APBB2: variants seen among roughly 807,000 people sequenced by gnomAD.
APBB2 encodes the protein Fe65-like 1.
In APBB2, 38 loss-of-function variants were observed where a neutral mutation model predicts 82.5. The observed-to-expected ratio is 0.46, with a 90% CI of 0.36 to 0.60. The LOEUF is 0.60. APBB2 is among the 20% of genes least tolerant of loss of function. The pLI is 0.00. For synonymous variants in APBB2, 341 were observed against 368.2 expected, an observed-to-expected ratio of 0.93 and a Z score of 0.85; for missense variants, 772 against 972.3, an observed-to-expected ratio of 0.79 and a Z score of 2.74.
At chr4:41,038,119 C>G (rs987272013) in intron 4 of APBB2, among the ~76,000 whole-genome samples, 1 of 151,762 alleles carries the variant, frequency 6.6e-6, no homozygotes, top group African/African-American at 2.4e-5. Flanking sequence ...TGCTGATATG[C>G]CTTATGATAA....
chr4:41,069,647 C>T (rs1019881328), intron 3 of APBB2, among the ~76,000 whole-genome samples: 2 of 152,140 alleles, frequency 1.3e-5, no homozygotes, highest in Admixed American at 6.5e-5. Context: ...TCTGTATCCT[C>T]GGGGCATAGG....
intron 12 of APBB2, among the ~76,000 whole-genome samples, chr4:40,877,488 A>C (rs956744976): frequency 6.6e-6 from 1 of 152,112 alleles, no homozygotes; most frequent in Non-Finnish European, 1.5e-5. Context: ...TGGGGTGCTG[A>C]GGGCCAGGGT....
chr4:41,088,365 G>C (rs1740554242), intron 3 of APBB2, among the ~76,000 whole-genome samples: 1 of 152,188 alleles, frequency 6.6e-6, no homozygotes, highest in Non-Finnish European at 1.5e-5. Context: ...ACTCACCCCT[G>C]CCCTAGCAAA....
At chr4:41,083,096 C>T (rs1212232676) in intron 3 of APBB2, among the ~76,000 whole-genome samples, 3 of 152,012 alleles carry the variant, frequency 2.0e-5, no homozygotes, top group African/African-American at 7.2e-5. Context: ...ACCCGGGAGG[C>T]GGAGGTTGCA....
intron 4 of APBB2, among the ~76,000 whole-genome samples, chr4:41,057,459 AAAAT>A (rs1728227901): frequency 6.6e-6 from 1 of 152,128 alleles, no homozygotes; most frequent in Admixed American, 6.5e-5. Context: ...CTCAAAAACA[AAAAT>A]AAATACAATG....
intron 10 of APBB2, among the ~76,000 whole-genome samples, chr4:40,923,943 T>C (rs1043651382): frequency 1.3e-5 from 2 of 152,098 alleles, no homozygotes; most frequent in African/African-American, 4.8e-5. Context: ...GGAAAACAGT[T>C]TTAGAAACAC....
At chr4:40,823,497 A>G in intron 16 of APBB2, 147 bp downstream of exon 16, 1 of 619,670 alleles carries the variant, frequency 1.6e-6, no homozygotes, top group South Asian at 1.9e-5. Context: ...GACCCAGACA[A>G]AGGGCCAAAT....
chr4:41,060,204 T>C (rs575977426), intron 4 of APBB2, among the ~76,000 whole-genome samples: 113 of 152,176 alleles, frequency 7.4e-4, no homozygotes, highest in Non-Finnish European at 1.4e-3. Context: ...TGGCAAAACC[T>C]GTGCCCAAGA....
rs1560796577 is a variant in APBB2 at position 41,117,301 on chromosome 4, T to TA, written c.-260-16552_-260-16551insT. ...TGTTGTTATTATTATTATTATTTTT[T>TA]TTTTTTTTTGAGATGGAGTCTCACT... On this transcript the variant is annotated intron_variant, in intron 2 of 17. Transcript: ENST00000508593. Among the ~76,000 whole-genome samples, 7 of 147,868 alleles carry TA rather than the reference T, an allele frequency of 4.7e-5. No homozygotes were observed. The East Asian group carries it at 5.9e-4, about 12-fold the overall frequency.
At chr4:40,966,803 A>C (rs1009919909) in intron 6 of APBB2, among the ~76,000 whole-genome samples, 1 of 152,168 alleles carries the variant, frequency 6.6e-6, no homozygotes, top group African/African-American at 2.4e-5. Flanking sequence ...CCTCAGCATG[A>C]ACAGCCTGGG....
chr4:40,982,212 GA>G (rs1375584191), intron 6 of APBB2, among the ~76,000 whole-genome samples: 3 of 32,904 alleles, frequency 9.1e-5, no homozygotes, highest in African/African-American at 1.9e-4. Flanking sequence ...AGAAAAGAAA[GA>G]AAAGAAAGGA....
chr4:40,971,984 A>T (rs1470129627), intron 6 of APBB2, among the ~76,000 whole-genome samples: 2 of 152,224 alleles, frequency 1.3e-5, no homozygotes, highest in Non-Finnish European at 2.9e-5. Flanking sequence ...AGAAAACTAA[A>T]ATATAATATT....
intron 1 of APBB2, among the ~76,000 whole-genome samples, chr4:41,189,978 A>G (rs1353943782): frequency 6.6e-6 from 1 of 152,192 alleles, no homozygotes; most frequent in Non-Finnish European, 1.5e-5. Context: ...ACAATTCAGC[A>G]TGTCTTCAAA....
intron 1 of APBB2, among the ~76,000 whole-genome samples, chr4:41,152,575 ACCTCGG>A (rs952986117): frequency 6.6e-6 from 1 of 151,822 alleles, no homozygotes; most frequent in Non-Finnish European, 1.5e-5. Context: ...TGATCTACCC[ACCTCGG>A]CCTCCCAAAG....
intron 4 of APBB2, among the ~76,000 whole-genome samples, chr4:41,038,692 A>C (rs1720198822): frequency 6.6e-6 from 1 of 152,254 alleles, no homozygotes; most frequent in South Asian, 2.1e-4. Flanking sequence ...ATGCAATGCT[A>C]TAAAACCCAA....
chr4:41,100,095 C>A (rs956732157), intron 3 of APBB2, among the ~76,000 whole-genome samples: 2 of 152,024 alleles, frequency 1.3e-5, no homozygotes, highest in Non-Finnish European at 2.9e-5. Flanking sequence ...TTATAGTGCC[C>A]TCAAAAAAAT....
At chr4:40,894,276 C>T (rs111377094) in intron 10 of APBB2, among the ~76,000 whole-genome samples, 1,876 of 150,288 alleles carry the variant, frequency 0.012, 32 homozygotes, top group African/African-American at 0.044. Context: ...TGACACAGAA[C>T]GAGACTCCGT....
At chr4:40,907,370 TA>T (rs2154360682) in intron 10 of APBB2, among the ~76,000 whole-genome samples, 2 of 36,808 alleles carry the variant, frequency 5.4e-5, no homozygotes, top group Non-Finnish European at 4.6e-5. Context: ...TATATATATA[TA>T]TATATATATT....
chr4:40,978,684 T>G (rs1797761455), intron 6 of APBB2, among the ~76,000 whole-genome samples: 1 of 152,230 alleles, frequency 6.6e-6, no homozygotes, highest in Admixed American at 6.5e-5. Flanking sequence ...GGTTCCTTCC[T>G]ATCCCTATCC....
Sources: allele counts gnomAD v4.1 joint callset (sites outside exome capture counted in the v4.1 genomes callset), GRCh38; gene constraint gnomAD v4.1.1; transcripts MANE v1.5; gene names NCBI Gene and HGNC (gene_info 2026-07-23, HGNC 2026-07-21).